The following FBN2 variants were observed in gnomAD, a reference collection of about 807,000 sequenced individuals.
FBN2 encodes fibrillin 2.
Under a neutral mutation model 355.6 loss-of-function variants are expected in FBN2, and 105 were observed. The ratio of observed to expected loss-of-function variants is 0.30; its 90% confidence interval spans 0.25 to 0.35. The LOEUF is 0.35. Among genes scored for constraint, FBN2 ranks in the 10% least tolerant of loss-of-function variants. FBN2 has a pLI of 1.00. For missense variants in FBN2, 3,280 were observed against 3,758.7 expected, an observed-to-expected ratio of 0.87 and a Z score of 3.33; for synonymous variants, 1,350 against 1,301.2, an observed-to-expected ratio of 1.04 and a Z score of -0.81.
chr5:128,290,690 A>G, intron 50 of FBN2, 42 bp downstream of exon 50: 16 of 1,603,966 alleles, frequency 1.0e-5, no homozygotes, highest in Non-Finnish European at 1.4e-5. Context: ...ACATTCAAAA[A>G]CTGGTACACA....
intron 5 of FBN2, among the ~76,000 whole-genome samples, chr5:128,507,987 T>C (rs1332387862): frequency 6.6e-6 from 1 of 152,044 alleles, no homozygotes; most frequent in African/African-American, 2.4e-5. Flanking sequence ...TCACATCTTC[T>C]TGATTAACTG....
At chr5:128,335,327 T>C (rs1750805824) in intron 29 of FBN2, 32 bp from the exon 30 acceptor site, 5 of 1,613,886 alleles carry the variant, frequency 3.1e-6, no homozygotes, top group Non-Finnish European at 4.2e-6. Flanking sequence ...CAAATGAAAA[T>C]AAAAATGTCG....
chr5:128,323,330 T>C (rs576338384), intron 34 of FBN2, among the ~76,000 whole-genome samples: 1 of 152,346 alleles, frequency 6.6e-6, no homozygotes, highest in South Asian at 2.1e-4. Context: ...ATCCTTGTCT[T>C]GTGCCAGTTT....
At chr5:128,456,147 T>C (rs748861928) in intron 6 of FBN2, among the ~76,000 whole-genome samples, 11 of 152,072 alleles carry the variant, frequency 7.2e-5, no homozygotes, top group Non-Finnish European at 1.2e-4. Context: ...CCAAGACTTG[T>C]CCTCACAGCC....
At chr5:128,421,222 T>G (rs1370243349) in intron 7 of FBN2, among the ~76,000 whole-genome samples, 1 of 152,152 alleles carries the variant, frequency 6.6e-6, no homozygotes, top group Admixed American at 6.5e-5. Flanking sequence ...GACCAAATCA[T>G]TAAGCAGGCA....
chr5:128,502,903 T>G (rs1561488221), intron 5 of FBN2, among the ~76,000 whole-genome samples: 1 of 152,234 alleles, frequency 6.6e-6, no homozygotes, highest in Non-Finnish European at 1.5e-5. Context: ...ATTTAGCTTT[T>G]AACTCTTTGA....
intron 7 of FBN2, among the ~76,000 whole-genome samples, chr5:128,429,573 C>T (rs573610077): frequency 2.6e-4 from 40 of 152,150 alleles, no homozygotes; most frequent in African/African-American, 6.0e-4. Flanking sequence ...CTATACACAA[C>T]GTAACATTAT....
chr5:128,339,119 A>T, intron 25 of FBN2, 58 bp from the exon 26 acceptor site: 1 of 1,576,846 alleles, frequency 6.3e-7, no homozygotes. Context: ...TTGGCCTTCC[A>T]AGCGAAGGTG....
intron 39 of FBN2, among the ~76,000 whole-genome samples, chr5:128,310,631 T>C (rs1255136161): frequency 6.6e-6 from 1 of 152,078 alleles, no homozygotes; most frequent in Non-Finnish European, 1.5e-5. Context: ...TTCTTCCAGA[T>C]ACATTTATCA....
intron 6 of FBN2, among the ~76,000 whole-genome samples, chr5:128,461,208 C>G (rs1256690953): frequency 6.6e-6 from 1 of 152,110 alleles, no homozygotes; most frequent in South Asian, 2.1e-4. Context: ...TGAACAGACA[C>G]TTCTCAAAAG....
chr5:128,305,579 T>C lies in FBN2; in HGVS notation c.5606A>G (p.Asn1869Ser), dbSNP rs1749845932. ...NLCQRNADCI[N>S]SPGSYRCECA... Reference sequence around the variant, plus strand: ...TTCACAGCGGTAACTACCAGGACTATTGATGCAGTCTGCATTCCGCTGGCA... The same window carrying C: ...TTCACAGCGGTAACTACCAGGACTACTGATGCAGTCTGCATTCCGCTGGCA... The change falls in exon 44 of 65, where the codon AAT becomes AGT. Residue 1869 changes from asparagine (N) to serine (S), a missense_variant. Around this residue, in one of 6 missense-constraint regions of FBN2, gnomAD observed 2,284 missense variants for 2,749.5 expected, o/e 0.83. Transcript: ENST00000262464. 1.2e-6 allele frequency: 2 copies of C among 1,614,032 alleles called. No individual in the cohort carries two copies. Among genetic ancestry groups the C allele is most frequent in the Non-Finnish European group, 1.7e-6 (2 of 1,179,924 alleles).
At chr5:128,515,459 T>G (rs913876636) in intron 5 of FBN2, among the ~76,000 whole-genome samples, 2 of 152,090 alleles carry the variant, frequency 1.3e-5, no homozygotes, top group Admixed American at 1.3e-4. Context: ...AGGACTCTGA[T>G]GATGAGCAGG....
intron 7 of FBN2, among the ~76,000 whole-genome samples, chr5:128,411,678 G>A (rs1753069374): frequency 6.6e-6 from 1 of 152,232 alleles, no homozygotes; most frequent in South Asian, 2.1e-4. Flanking sequence ...GGGCCAGGGT[G>A]GTTTTGGAAA....
At chr5:128,483,814 A>C (rs2127113763) in intron 5 of FBN2, among the ~76,000 whole-genome samples, 1 of 152,316 alleles carries the variant, frequency 6.6e-6, no homozygotes, top group South Asian at 2.1e-4. Flanking sequence ...AATAGCTGGA[A>C]AAAATGTTAA....
intron 23 of FBN2, 62 bp downstream of exon 23, chr5:128,349,285 G>A (rs1416711564): frequency 3.7e-6 from 6 of 1,605,404 alleles, no homozygotes; most frequent in Non-Finnish European, 5.1e-6. Context: ...ACTAGCCACT[G>A]CTTAAACAAG....
chr5:128,447,606 G>A (rs866898525), intron 6 of FBN2, among the ~76,000 whole-genome samples: 3 of 152,106 alleles, frequency 2.0e-5, no homozygotes, highest in Middle Eastern at 3.4e-3. Context: ...TTTTAATTTC[G>A]GCCCGGTCCT....
intron 6 of FBN2, among the ~76,000 whole-genome samples, chr5:128,447,533 T>G (rs1035208263): frequency 4.6e-5 from 7 of 152,206 alleles, no homozygotes; most frequent in Admixed American, 6.5e-5. Flanking sequence ...TTGTCTGCTC[T>G]CAAATCCTGT....
chr5:128,320,709 AGAT>A (rs1220672751), intron 34 of FBN2, among the ~76,000 whole-genome samples: 3 of 152,254 alleles, frequency 2.0e-5, no homozygotes, highest in South Asian at 2.1e-4. Flanking sequence ...GAATCATTTA[AGAT>A]GATGAGACAT....
At position 128,335,923 on chromosome 5, in the gene FBN2, C is replaced by A; in HGVS notation, c.3724+65G>T. 3 of 1,565,814 alleles carry A rather than the reference C, an allele frequency of 1.9e-6. No homozygotes were observed. The South Asian group carries it at 3.4e-5, about 18-fold the overall frequency. ...TTGCATAGCCTTCATTATAATTCAG[C>A]GCCAAAAGTTTTCCTAGGCTGATTT... On this transcript the variant is annotated intron_variant, in intron 28 of 64. Coordinates refer to ENST00000262464, the MANE Select transcript of FBN2 (RefSeq NM_001999.4).
Sources: gnomAD v4.1 joint callset for allele counts (sites outside exome capture counted in the v4.1 genomes callset) on GRCh38, gnomAD v4.1.1 for gene constraint, gnomAD v4.1.1 regional missense constraint, MANE v1.5 for transcripts, NCBI Gene and HGNC (gene_info 2026-07-23, HGNC 2026-07-21) for gene names.